STAT5A: variants seen among roughly 807,000 people sequenced by gnomAD.
The protein encoded by STAT5A is signal transducer and activator of transcription 5A, also known as epididymis secretory sperm binding protein.
A neutral mutation model predicts 100.2 loss-of-function variants in STAT5A; 26 were observed. The observed-to-expected ratio is 0.26, with a 90% confidence interval of 0.19 to 0.36. STAT5A has a LOEUF of 0.36. Ranked by LOEUF, STAT5A falls within the 10% of genes least tolerant of loss-of-function variation. The pLI, the probability that STAT5A is intolerant of heterozygous loss-of-function variation, is 1.00. For missense variants in STAT5A, 634 were observed against 1,027.5 expected (o/e 0.62, Z 5.24); for synonymous variants, 330 against 424.3 (o/e 0.78, Z 2.73).
In STAT5A at chr17:42,304,668, C is replaced by T; in HGVS notation, c.1380+16C>T. 6.2e-7 allele frequency: 1 copy of T among 1,613,666 alleles called. No individual in the cohort carries two copies. The highest frequency in any genetic ancestry group is 1.1e-5 in the South Asian group (1 of 90,952). ...CCAGGTGAAGGTGAGACCCCCAGCC[C>T]TCCTGCCCCCACTGCTCCAGGTCAC... On this transcript the variant is annotated intron_variant, in intron 11 of 18. Coordinates refer to ENST00000590949, the MANE Select transcript of STAT5A (RefSeq NM_001288718.2). The surrounding 1 kb of genome is among the most constrained non-coding windows in gnomAD (Gnocchi z 4.8).
Position 42,309,419 on chromosome 17 carries a change from G to A in STAT5A, c.2157G>A (p.Thr719=), listed in dbSNP as rs371140959. 74 of 1,613,310 alleles carry A rather than the reference G, an allele frequency of 4.6e-5. No individual in the cohort carries two copies. The highest frequency in any genetic ancestry group is 1.1e-4 in the African/African-American group (8 of 74,884). The change falls in exon 18 of 19, where the codon ACG becomes ACA. Residue 719 remains threonine, a synonymous_variant. Coordinates refer to ENST00000590949, the MANE Select transcript of STAT5A (RefSeq NM_001288718.2). ...ASADAGGSSA[T]YMDQAPSPAV... is the part of the protein sequence containing the mutation. ...CAGATGCTGGGGGCAGCAGCGCCAC[G>A]TACATGGACCAGGCCCCCTCCCCAG...
Position 42,311,438 on chromosome 17 carries a change from G to C in STAT5A, c.*769G>C, listed in dbSNP as rs1375481945. ...CCGGGATATATATTCTCTCCCCTCCGTTGGGCCCCAGCCTTCTTTGCTTGC... is the reference window on the plus strand; with the variant it reads ...CCGGGATATATATTCTCTCCCCTCCCTTGGGCCCCAGCCTTCTTTGCTTGC... On this transcript the variant is annotated 3_prime_UTR_variant, in exon 19 of 19. Transcript: ENST00000590949. 1 of 152,200 alleles carries C rather than the reference G, an allele frequency of 6.6e-6. No homozygotes were observed. The highest frequency in any genetic ancestry group is 1.5e-5 in the Non-Finnish European group (1 of 68,074). The allele number at this position is 152,200 out of a possible 1,614,324, so 9.4% of individuals were successfully genotyped here. A position where few individuals can be genotyped will look rare whatever the true frequency, so the allele number is the denominator to read the frequency against.
At chr17:42,300,501 T>C (rs532793213) in intron 7 of STAT5A, among the ~76,000 whole-genome samples, 2 of 152,120 alleles carry the variant, frequency 1.3e-5, no homozygotes, top group African/African-American at 4.8e-5. Context: ...GGCTCGGGTG[T>C]GTGGGGTGAT....
intron 3 of STAT5A, among the ~76,000 whole-genome samples, chr17:42,291,750 C>T (rs966950771): frequency 6.6e-6 from 1 of 151,502 alleles, no homozygotes; most frequent in Non-Finnish European, 1.5e-5. Flanking sequence ...GAAAGTGCCT[C>T]ATAAACTGTG....
chr17:42,294,002 G>T (rs1373672987), intron 4 of STAT5A, among the ~76,000 whole-genome samples: 1 of 152,080 alleles, frequency 6.6e-6, no homozygotes, highest in East Asian at 1.9e-4. Flanking sequence ...ATCACCTGAC[G>T]TCAGAAGTTC....
chr17:42,295,200 G>A (rs1246829402), intron 4 of STAT5A, among the ~76,000 whole-genome samples: 2 of 152,132 alleles, frequency 1.3e-5, no homozygotes, highest in Admixed American at 6.6e-5. Flanking sequence ...AGGATCTACT[G>A]CAGTCCATGG....
chr17:42,299,656 G>A (rs1444208805), intron 5 of STAT5A, 95 bp from the exon 6 acceptor site: 1 of 1,592,394 alleles, frequency 6.3e-7, no homozygotes, highest in Non-Finnish European at 8.6e-7. Context: ...TCTGAGCCTG[G>A]GAGGGTCTCG....
At position 42,288,757 on chromosome 17, in the gene STAT5A, G is replaced by A. The variant is rs1321868275; in HGVS notation, c.-11+159G>A. Among the ~76,000 whole-genome samples, 1 of 152,220 alleles carries A rather than the reference G, an allele frequency of 6.6e-6. No individual in the cohort carries two copies. Among genetic ancestry groups the A allele is most frequent in the East Asian group, 1.9e-4 (1 of 5,184 alleles). ...TGGCCCAGCGCAGACGAGGGACGGGGGGACGTGGGGACAGGGGTCGGGGAT... is the reference window on the plus strand; with the variant it reads ...TGGCCCAGCGCAGACGAGGGACGGGAGGACGTGGGGACAGGGGTCGGGGAT... On this transcript the variant is annotated intron_variant, in intron 1 of 18. Coordinates refer to ENST00000590949, the MANE Select transcript of STAT5A (RefSeq NM_001288718.2). The surrounding 1 kb of genome is among the most constrained non-coding windows in gnomAD (Gnocchi z 4.8).
At chr17:42,290,992 G>A (rs577790290) in intron 3 of STAT5A, among the ~76,000 whole-genome samples, 22 of 152,248 alleles carry the variant, frequency 1.4e-4, no homozygotes, top group Non-Finnish European at 2.5e-4. Flanking sequence ...TATTTCTATT[G>A]TTATTACATT....
chr17:42,310,465 G>A, intron 18 of STAT5A, 42 bp from the exon 19 acceptor site: 6 of 1,606,832 alleles, frequency 3.7e-6, no homozygotes, highest in Non-Finnish European at 5.1e-6. Context: ...TTGAGGCTGT[G>A]AGACATGCCA....
chr17:42,308,095 T>C lies in STAT5A; in HGVS notation c.1907-83T>C. The C allele has an allele frequency of 6.4e-7, 1 of 1,557,892 alleles. No homozygotes were observed. Among genetic ancestry groups the C allele is most frequent in the Non-Finnish European group, 8.7e-7 (1 of 1,148,228 alleles). On this transcript the variant is annotated intron_variant, in intron 15 of 18. Coordinates refer to ENST00000590949, the MANE Select transcript of STAT5A (RefSeq NM_001288718.2). The surrounding 1 kb of genome is among the most constrained non-coding windows in gnomAD (Gnocchi z 4.6). ...GCTACTATATAAAAGCCCAGATTTC[T>C]CTTGCAAGCCTGCCCTAAAGCCCCA...
At chr17:42,295,108 C>A (rs2080906362) in intron 4 of STAT5A, among the ~76,000 whole-genome samples, 1 of 152,266 alleles carries the variant, frequency 6.6e-6, no homozygotes, top group South Asian at 2.1e-4. Context: ...GAGTTTCGGC[C>A]TCTTCCCTCT....
At position 42,304,082 on chromosome 17, in the gene STAT5A, C is replaced by A. The variant is rs1349792634; in HGVS notation, c.1170-260C>A. The A allele has an allele frequency of 5.9e-6, 3 of 506,024 alleles. No individual in the cohort carries two copies. Among genetic ancestry groups the A allele is most frequent in the African/African-American group, 5.7e-5 (3 of 52,574 alleles). 31.3% of individuals were successfully genotyped at this position (506,024 alleles called of 1,614,324 possible). On this transcript the variant is annotated intron_variant, in intron 9 of 18. Coordinates refer to ENST00000590949, the MANE Select transcript of STAT5A (RefSeq NM_001288718.2). The surrounding 1 kb of genome is among the most constrained non-coding windows in gnomAD (Gnocchi z 4.8). ...TAGAAGCTATTGGAAGTCCCCAAAG[C>A]CCTCACATCAATCTTGGTATCGAGG...
At position 42,308,352 on chromosome 17, in the gene STAT5A, C is replaced by T. The variant is rs1180943536; in HGVS notation, c.2062+19C>T. ...GTGCTGGGTGGGTACTGCCCCAGGACCCTGCCGGCTGACTCCCCCGGGCTC... is the reference window on the plus strand; with the variant it reads ...GTGCTGGGTGGGTACTGCCCCAGGATCCTGCCGGCTGACTCCCCCGGGCTC... On this transcript the variant is annotated intron_variant, in intron 16 of 18. Coordinates refer to ENST00000590949, the MANE Select transcript of STAT5A (RefSeq NM_001288718.2). This position sits in a 1 kb window ranked among gnomAD's most constrained non-coding sequence, Gnocchi z 4.6. The T allele has an allele frequency of 3.1e-6, 5 of 1,614,068 alleles. No individual in the cohort carries two copies. Among genetic ancestry groups the T allele is most frequent in the Non-Finnish European group, 4.2e-6 (5 of 1,179,990 alleles).
chr17:42,296,323 G>C (rs1466123904), intron 5 of STAT5A, among the ~76,000 whole-genome samples: 1 of 152,022 alleles, frequency 6.6e-6, no homozygotes, highest in Non-Finnish European at 1.5e-5. Flanking sequence ...TGTGGGCCTG[G>C]GGGAAGGGGT....
intron 9 of STAT5A, among the ~76,000 whole-genome samples, chr17:42,303,008 G>T (rs2080995826): frequency 6.6e-6 from 1 of 151,046 alleles, no homozygotes; most frequent in African/African-American, 2.4e-5. Context: ...AGCACTTTGG[G>T]AGGCCCAAGC....
chr17:42,297,676 C>T (rs1043779707), intron 5 of STAT5A, among the ~76,000 whole-genome samples: 1 of 152,046 alleles, frequency 6.6e-6, no homozygotes, highest in African/African-American at 2.4e-5. Context: ...GTGTTGGGAT[C>T]ACCACCACCC....
intron 9 of STAT5A, among the ~76,000 whole-genome samples, chr17:42,302,212 T>C (rs910138110): frequency 2.0e-5 from 3 of 152,226 alleles, no homozygotes; most frequent in Non-Finnish European, 2.9e-5. Flanking sequence ...TTCTAGAACC[T>C]GTGCTACGCA....
intron 4 of STAT5A, 49 bp downstream of exon 4, chr17:42,292,110 T>G (rs761841447): frequency 2.5e-6 from 4 of 1,596,496 alleles, no homozygotes; most frequent in Non-Finnish European, 3.4e-6. Flanking sequence ...TCCCTCCATA[T>G]GCCTTTCTCT....
Sources: gnomAD v4.1 joint callset for allele counts (sites outside exome capture counted in the v4.1 genomes callset) on GRCh38, gnomAD v4.1.1 for gene constraint, Gnocchi (gnomAD v3.1) non-coding constraint, MANE v1.5 for transcripts, NCBI Gene and HGNC (gene_info 2026-07-23, HGNC 2026-07-21) for gene names.